Variants in CNTNAP4 observed in about 807,000 individuals in gnomAD.
CNTNAP4 encodes the protein contactin associated protein family member 4.
Under a neutral mutation model 148.4 loss-of-function variants are expected in CNTNAP4, and 98 were observed. The ratio of observed to expected loss-of-function variants is 0.66; its 90% CI spans 0.56 to 0.78. CNTNAP4 has a LOEUF of 0.78. Among genes scored for constraint, CNTNAP4 ranks in the 30% least tolerant of loss-of-function variants. The probability of loss-of-function intolerance (pLI) is 0.00; values close to 1 mark genes in which losing one functional copy is unlikely to be tolerated. For synonymous variants in CNTNAP4, 730 were observed against 565.1 expected (o/e 1.29, Z -4.14); for missense variants, 1,935 against 1,565.6 (o/e 1.24, Z -3.98).
At position 76,452,577 on chromosome 16, in the gene CNTNAP4, T is replaced by G. The variant is rs2080544429; in HGVS notation, c.1141T>G (p.Leu381Val). 1 of 1,613,914 alleles carries G rather than the reference T, an allele frequency of 6.2e-7. No individual in the cohort carries two copies. The highest frequency in any genetic ancestry group is 2.2e-5 in the East Asian group (1 of 44,898). ...GACTTTTCTGAGCTCCAGGAGTTAT[T>G]TAGCACTGCCAGACTTCTCTGGAGA... ...PVTFLSSRSY[L>V]ALPDFSGEEE... The change falls in exon 8 of 24, where the codon TTA (leucine) becomes GTA (valine). Residue 381 changes from leucine to valine, a missense_variant. Physicochemically the swap from Leu to Val is conservative, Grantham distance 32 (BLOSUM62 1). Coordinates refer to ENST00000611870, the MANE Select transcript of CNTNAP4 (RefSeq NM_033401.5).
At chr16:76,552,714 G>A (rs767765211) in intron 21 of CNTNAP4, among the ~76,000 whole-genome samples, 3 of 152,232 alleles carry the variant, frequency 2.0e-5, no homozygotes, top group South Asian at 2.1e-4. Flanking sequence ...TAATAACTTC[G>A]AGGTATGGCC....
intron 4 of CNTNAP4, among the ~76,000 whole-genome samples, chr16:76,435,511 G>A (rs2079791680): frequency 6.6e-6 from 1 of 152,114 alleles, no homozygotes. Context: ...AGTGACTGTG[G>A]TTCCCACTGT....
chr16:76,406,665 C>G lies in CNTNAP4; in HGVS notation c.391-20787C>G, dbSNP rs146193970. 1.7e-3 allele frequency among the ~76,000 whole-genome samples: 263 copies of G among 152,238 alleles called. 1 individual carries two copies. Among genetic ancestry groups the G allele is most frequent in the African/African-American group, 6.1e-3 (253 of 41,558 alleles). ...AAGTGAAATAACCCTATTGCTGATA[C>G]GAAGACAGTTTTAGTGGTCTGGATA... On this transcript the variant is annotated intron_variant, in intron 3 of 23. Transcript: ENST00000611870.
intron 9 of CNTNAP4, among the ~76,000 whole-genome samples, chr16:76,465,745 G>A (rs2143476031): frequency 6.6e-6 from 1 of 152,262 alleles, no homozygotes; most frequent in East Asian, 1.9e-4. Context: ...GGAAATGTGT[G>A]TAGTACCATG....
chr16:76,482,372 T>G (rs544704010), intron 12 of CNTNAP4, among the ~76,000 whole-genome samples: 2 of 152,000 alleles, frequency 1.3e-5, no homozygotes, highest in African/African-American at 2.4e-5. Flanking sequence ...TGAATTGTCA[T>G]TATTTAAGAT....
At chr16:76,549,773 G>C (rs2084888378) in intron 21 of CNTNAP4, among the ~76,000 whole-genome samples, 1 of 152,114 alleles carries the variant, frequency 6.6e-6, no homozygotes, top group Non-Finnish European at 1.5e-5. Context: ...CCACAGAGAT[G>C]TAAGTCCTAA....
At chr16:76,381,210 G>A (rs1380396236) in intron 3 of CNTNAP4, among the ~76,000 whole-genome samples, 1 of 152,188 alleles carries the variant, frequency 6.6e-6, no homozygotes, top group Non-Finnish European at 1.5e-5. Flanking sequence ...GTGTGTGTGT[G>A]TGAGTTGGCA....
At chr16:76,545,075 G>A (rs1190122535) in intron 21 of CNTNAP4, among the ~76,000 whole-genome samples, 2 of 152,144 alleles carry the variant, frequency 1.3e-5, no homozygotes, top group African/African-American at 4.8e-5. Context: ...TCAAAATAAT[G>A]GATTGGTTAT....
intron 1 of CNTNAP4, among the ~76,000 whole-genome samples, chr16:76,292,822 C>G (rs1180586125): frequency 1.3e-5 from 2 of 152,118 alleles, no homozygotes; most frequent in African/African-American, 2.4e-5. Flanking sequence ...TAATGAACAT[C>G]AAAATGAAAA....
intron 2 of CNTNAP4, among the ~76,000 whole-genome samples, chr16:76,347,556 A>G (rs902905123): frequency 2.6e-5 from 4 of 152,228 alleles, no homozygotes; most frequent in African/African-American, 9.6e-5. Flanking sequence ...AGGGGAAGAC[A>G]AATGGGAGTA....
At chr16:76,359,350 A>C (rs1359805690) in intron 3 of CNTNAP4, among the ~76,000 whole-genome samples, 2 of 152,222 alleles carry the variant, frequency 1.3e-5, no homozygotes, top group East Asian at 1.9e-4. Flanking sequence ...ATAGAAAAAC[A>C]AAAGACAAGT....
At position 76,538,187 on chromosome 16, in the gene CNTNAP4, A is replaced by T. The variant is rs776624297; in HGVS notation, c.3067A>T (p.Asn1023Tyr). The T allele has an allele frequency of 1.9e-6, 3 of 1,601,920 alleles. No individual in the cohort carries two copies. The highest frequency in any genetic ancestry group is 1.7e-4 in the Middle Eastern group (1 of 6,038). ...NFQENYLLSK[N>Y]SSSHAASFHG... Reference sequence around the variant, plus strand: ...TCAAGAAAATTATCTTTTAAGTAAAAACTCCAGCTCCCACGCTGCTTCATT... The same window carrying T: ...TCAAGAAAATTATCTTTTAAGTAAATACTCCAGCTCCCACGCTGCTTCATT... The change falls in exon 19 of 24, where the codon AAC becomes TAC. Residue 1023 changes from asparagine to tyrosine, a missense_variant. Coordinates refer to ENST00000611870, the MANE Select transcript of CNTNAP4 (RefSeq NM_033401.5).
Position 76,448,911 on chromosome 16 carries a change from A to T in CNTNAP4, c.887A>T (p.His296Leu). 2 of 1,613,832 alleles carry T rather than the reference A, an allele frequency of 1.2e-6. No homozygotes were observed. The highest frequency in any genetic ancestry group is 1.7e-6 in the Non-Finnish European group (2 of 1,179,836). Residue 296 changes from histidine to leucine, a missense_variant, in exon 6 of 24, where the codon CAT (histidine) becomes CTT (leucine). Transcript: ENST00000611870. Reference protein sequence around the residue: ...FTVDEHRHHFHARGEFNLMNL... With the variant: ...FTVDEHRHHFLARGEFNLMNL... ...GTGGACGAACACAGGCATCATTTCC[A>T]TGCACGGGGAGAATTCAATCTCATG...
At chr16:76,290,985 G>C (rs574758560) in intron 1 of CNTNAP4, among the ~76,000 whole-genome samples, 1 of 152,032 alleles carries the variant, frequency 6.6e-6, no homozygotes, top group East Asian at 1.9e-4. Context: ...CGATATCTCT[G>C]GTGTCTCTTA....
chr16:76,491,849 T>A (rs1274013244), intron 13 of CNTNAP4, among the ~76,000 whole-genome samples: 1 of 85,548 alleles, frequency 1.2e-5, no homozygotes, highest in Non-Finnish European at 2.8e-5. Flanking sequence ...CTGAATGATA[T>A]CCCATTGTGT....
chr16:76,393,421 T>C (rs369063119), intron 3 of CNTNAP4, among the ~76,000 whole-genome samples: 3 of 152,350 alleles, frequency 2.0e-5, no homozygotes, highest in Admixed American at 6.5e-5. Context: ...CTTAAGACTA[T>C]CATTTTGGAA....
At chr16:76,492,517 CCA>C (rs141685764) in intron 13 of CNTNAP4, among the ~76,000 whole-genome samples, 24,505 of 152,046 alleles carry the variant, frequency 0.16, 2,555 homozygotes, top group Admixed American at 0.3. Context: ...TGAGCAAACA[CCA>C]CACAGAGTAA....
intron 1 of CNTNAP4, among the ~76,000 whole-genome samples, chr16:76,307,513 T>TAA (rs1431805790): frequency 1.1e-4 from 5 of 47,080 alleles, no homozygotes; most frequent in African/African-American, 3.7e-4. Flanking sequence ...CATATATATA[T>TAA]ATATATATAT....
chr16:76,337,687 G>A (rs1276186751), intron 2 of CNTNAP4, among the ~76,000 whole-genome samples: 3 of 152,180 alleles, frequency 2.0e-5, no homozygotes, highest in Admixed American at 1.3e-4. Flanking sequence ...ATCCTGGTAA[G>A]CCTGAGGGTA....
Sources: allele counts gnomAD v4.1 joint callset (sites outside exome capture counted in the v4.1 genomes callset), GRCh38; gene constraint gnomAD v4.1.1; transcripts MANE v1.5; gene names NCBI Gene and HGNC (gene_info 2026-07-23, HGNC 2026-07-21).